RAB31: variants seen among roughly 807,000 people sequenced by gnomAD.
RAB31 encodes RAB31, member RAS oncogene family.
RAB31 carries 21 observed loss-of-function variants against 25.6 expected under a neutral mutation model. That is an observed-to-expected ratio of 0.82 (90% CI 0.58 to 1.18). The LOEUF is 1.18. Ranked by LOEUF, RAB31 falls within the 50% of genes most tolerant of loss-of-function variation. The pLI is 0.00. For synonymous variants in RAB31, 87 were observed against 84.0 expected, an observed-to-expected ratio of 1.04 and a Z score of -0.20; for missense variants, 196 against 250.1, an observed-to-expected ratio of 0.78 and a Z score of 1.46.
chr18:9,841,463 C>A (rs913555893), intron 5 of RAB31, among the ~76,000 whole-genome samples: 1 of 144,666 alleles, frequency 6.9e-6, no homozygotes, highest in Non-Finnish European at 1.5e-5. Flanking sequence ...GGCGTGAACC[C>A]GGGAGGCAGA....
At position 9,721,873 on chromosome 18, in the gene RAB31, A is replaced by G. The variant is rs915585480; in HGVS notation, c.39+13429A>G. Among the ~76,000 whole-genome samples, 5 of 152,086 alleles carry G rather than the reference A, an allele frequency of 3.3e-5. 1 individual carries two copies. Among genetic ancestry groups the G allele is most frequent in the Non-Finnish European group, 7.4e-5 (5 of 68,010 alleles). On this transcript the variant is annotated intron_variant, in intron 1 of 6. Transcript: ENST00000578921. The stretch of plus-strand genomic sequence containing the variant: ...AGGAAAGTGAGGAAGGGCCCTGGGC[A>G]TGCTGGTTGGGAGGAGTGTGGTTTC...
rs926968172 is a variant in RAB31 at position 9,792,307 on chromosome 18, C to T, written c.201+72C>T. On this transcript the variant is annotated intron_variant, in intron 3 of 6. Coordinates refer to ENST00000578921, the MANE Select transcript of RAB31 (RefSeq NM_006868.4). ...AGATCAGTTTCTGAAGGTTTGTTTGCATTAGACAAGACTCTTGGTTGCAGG... is the reference window on the plus strand; with the variant it reads ...AGATCAGTTTCTGAAGGTTTGTTTGTATTAGACAAGACTCTTGGTTGCAGG... 2.5e-5 allele frequency: 39 copies of T among 1,532,750 alleles called. No individual in the cohort carries two copies. The South Asian group carries it at 4.7e-4, about 18-fold the overall frequency. The allele number at this position is 1,532,750 out of a possible 1,614,324, so 94.9% of individuals were successfully genotyped here. A position where few individuals can be genotyped will look rare whatever the true frequency, so the allele number is the denominator to read the frequency against.
intron 3 of RAB31, among the ~76,000 whole-genome samples, chr18:9,811,456 G>A (rs1043836408): frequency 7.2e-5 from 11 of 152,284 alleles, no homozygotes; most frequent in South Asian, 4.1e-4. Flanking sequence ...GATGAGTATC[G>A]TGGGAAAGAA....
At position 9,860,975 on chromosome 18, in the gene RAB31, C is replaced by G. The variant is rs2081669495; in HGVS notation, c.*1650C>G. On this transcript the variant is annotated 3_prime_UTR_variant, in exon 7 of 7. Coordinates refer to ENST00000578921, the MANE Select transcript of RAB31 (RefSeq NM_006868.4). ...AAATAGGTACCTCAAAAACTGTTAG[C>G]AAGCGGCATTTGGATGTCTTGACAG... The G allele has an allele frequency of 6.6e-6, 1 of 152,110 alleles. No homozygotes were observed. Among genetic ancestry groups the G allele is most frequent in the African/African-American group, 2.4e-5 (1 of 41,416 alleles). 9.4% of individuals were successfully genotyped at this position (152,110 alleles called of 1,614,324 possible).
chr18:9,735,109 C>T (rs111466815), intron 1 of RAB31: 7,962 of 154,964 alleles, frequency 0.051, 262 homozygotes, highest in Middle Eastern at 0.099. Flanking sequence ...CCTCTGCCTC[C>T]CGGGTTCAAG....
intron 1 of RAB31, among the ~76,000 whole-genome samples, chr18:9,738,982 C>T (rs928136808): frequency 3.9e-5 from 6 of 152,178 alleles, no homozygotes; most frequent in African/African-American, 1.2e-4. Context: ...GGAAAACCTC[C>T]TGTACATTTG....
chr18:9,786,427 C>G (rs1290569256), intron 2 of RAB31, among the ~76,000 whole-genome samples: 4 of 152,224 alleles, frequency 2.6e-5, no homozygotes, highest in Non-Finnish European at 5.9e-5. Context: ...GCAAATTAAT[C>G]AAACTCAAAG....
intron 2 of RAB31, among the ~76,000 whole-genome samples, chr18:9,781,975 A>C (rs2068406912): frequency 6.6e-6 from 1 of 152,172 alleles, no homozygotes; most frequent in Non-Finnish European, 1.5e-5. Context: ...CCAATAGAGA[A>C]TCAGGAGACT....
At chr18:9,829,965 T>G (rs1311679775) in intron 5 of RAB31, among the ~76,000 whole-genome samples, 1 of 151,828 alleles carries the variant, frequency 6.6e-6, no homozygotes, top group African/African-American at 2.4e-5. Flanking sequence ...ATTTAGGTCT[T>G]ATATTTTCAT....
intron 5 of RAB31, among the ~76,000 whole-genome samples, chr18:9,821,365 G>C (rs1458694879): frequency 6.6e-6 from 1 of 152,014 alleles, no homozygotes; most frequent in Admixed American, 6.6e-5. Flanking sequence ...AAGGTTGAGG[G>C]CCCTCTGCAG....
At chr18:9,740,369 G>A (rs896509330) in intron 1 of RAB31, among the ~76,000 whole-genome samples, 1 of 152,142 alleles carries the variant, frequency 6.6e-6, no homozygotes, top group African/African-American at 2.4e-5. Flanking sequence ...ATTGCATCAG[G>A]ATGACACCTC....
chr18:9,719,261 C>A (rs1274719398), intron 1 of RAB31, among the ~76,000 whole-genome samples: 29 of 75,706 alleles, frequency 3.8e-4, no homozygotes, highest in African/African-American at 1.5e-3. Flanking sequence ...CAGAGCAAGA[C>A]TCTGTCTCAA....
intron 1 of RAB31, among the ~76,000 whole-genome samples, chr18:9,762,470 C>T (rs568890135): frequency 6.6e-6 from 1 of 152,312 alleles, no homozygotes; most frequent in African/African-American, 2.4e-5. Flanking sequence ...CCATCTTGCC[C>T]AGTGAGGAGC....
intron 3 of RAB31, among the ~76,000 whole-genome samples, chr18:9,794,870 C>A (rs962076662): frequency 3.3e-5 from 5 of 151,836 alleles, no homozygotes; most frequent in African/African-American, 9.7e-5. Context: ...CATCATTCTT[C>A]ACAGAACTAG....
In RAB31 at chr18:9,859,510, TG is replaced by T; in HGVS notation, c.*188del. The T allele has an allele frequency of 2.1e-6, 1 of 477,056 alleles. No homozygotes were observed. Among genetic ancestry groups the T allele is most frequent in the East Asian group, 3.4e-5 (1 of 29,462 alleles). The allele number at this position is 477,056 out of a possible 1,614,324, so 29.6% of individuals were successfully genotyped here. On this transcript the variant is annotated 3_prime_UTR_variant, in exon 7 of 7. Coordinates refer to ENST00000578921, the MANE Select transcript of RAB31 (RefSeq NM_006868.4). ...ACCTGAAAAGGATTTTAGAAAACCCTGGGAAAACCCACCACACCACCACAAA... is the reference window on the plus strand; with the variant it reads ...ACCTGAAAAGGATTTTAGAAAACCCTGGAAAACCCACCACACCACCACAAA...
intron 6 of RAB31, chr18:9,856,435 T>G (rs1006814644): frequency 2.0e-5 from 3 of 152,228 alleles, no homozygotes; most frequent in Non-Finnish European, 4.4e-5. Context: ...TTTTGTCACT[T>G]TAATAACTGT....
At chr18:9,800,965 T>C (rs1379528849) in intron 3 of RAB31, among the ~76,000 whole-genome samples, 3 of 152,178 alleles carry the variant, frequency 2.0e-5, no homozygotes, top group Admixed American at 6.5e-5. Flanking sequence ...TAGCAGTCAC[T>C]CCCAGTTCCC....
intron 1 of RAB31, among the ~76,000 whole-genome samples, chr18:9,720,418 G>A (rs2068068190): frequency 6.6e-6 from 1 of 152,202 alleles, no homozygotes; most frequent in African/African-American, 2.4e-5. Flanking sequence ...ATCGCCAGAT[G>A]CTTAGTTGCC....
At chr18:9,755,518 T>G (rs1032156052) in intron 1 of RAB31, among the ~76,000 whole-genome samples, 1 of 152,232 alleles carries the variant, frequency 6.6e-6, no homozygotes, top group Non-Finnish European at 1.5e-5. Context: ...GCTGTCAATT[T>G]TAGCTCATTG....
Sources: allele counts gnomAD v4.1 joint callset (sites outside exome capture counted in the v4.1 genomes callset), GRCh38; gene constraint gnomAD v4.1.1; transcripts MANE v1.5; gene names NCBI Gene and HGNC (gene_info 2026-07-23, HGNC 2026-07-21).